Variants in MSH4 observed in about 807,000 individuals in gnomAD.
The protein encoded by MSH4 is mutS protein homolog 4.
MSH4 carries 106 observed loss-of-function variants against 113.7 expected under a neutral mutation model. The observed-to-expected ratio is 0.93, with a 90% confidence interval of 0.80 to 1.10. The LOEUF (loss-of-function observed/expected upper bound fraction) is 1.10, where lower values mean the gene tolerates loss of function less well. Among genes scored for constraint, MSH4 ranks in the 50% least tolerant of loss-of-function variants. The pLI, the probability that MSH4 is intolerant of heterozygous loss-of-function variation, is 0.00. For synonymous variants in MSH4, 368 were observed against 380.2 expected (o/e 0.97, Z 0.37); for missense variants, 1,061 against 1,093.7 (o/e 0.97, Z 0.42).
chr1:75,895,383 C>G (rs1652356737), intron 17 of MSH4, among the ~76,000 whole-genome samples: 1 of 152,152 alleles, frequency 6.6e-6, no homozygotes, highest in African/African-American at 2.4e-5. Flanking sequence ...ATGGCCAAGA[C>G]CTTTCAGGAA....
chr1:75,830,029 T>C (rs1216953076), intron 7 of MSH4, among the ~76,000 whole-genome samples: 1 of 151,994 alleles, frequency 6.6e-6, no homozygotes. Context: ...ACAAAGAAGC[T>C]AAAAACTTTG....
intron 17 of MSH4, among the ~76,000 whole-genome samples, chr1:75,894,990 C>G (rs1215301916): frequency 6.6e-6 from 1 of 152,090 alleles, no homozygotes; most frequent in African/African-American, 2.4e-5. Flanking sequence ...TGGCATCACT[C>G]ACCATTACCC....
In MSH4 at chr1:75,830,332, C is replaced by T. The variant is rs185568957; in HGVS notation, c.1162+7751C>T. On this transcript the variant is annotated intron_variant, in intron 7 of 19. Coordinates refer to ENST00000263187, the MANE Select transcript of MSH4 (RefSeq NM_002440.4). ...ATCTCATTGGTGTACCTAAAAGTGA[C>T]GGGGAGAATGGAACCAAGTTGGAAA... Among the ~76,000 whole-genome samples the T allele has an allele frequency of 7.0e-4, 106 of 152,162 alleles. 1 individual carries two copies. The highest frequency in any genetic ancestry group is 2.3e-3 in the African/African-American group (96 of 41,506).
At chr1:75,874,335 A>G (rs1651772160) in intron 9 of MSH4, among the ~76,000 whole-genome samples, 1 of 152,150 alleles carries the variant, frequency 6.6e-6, no homozygotes, top group Non-Finnish European at 1.5e-5. Context: ...ATAGATGTGG[A>G]AGTTTTTTTA....
In MSH4 at chr1:75,826,450, C is replaced by G. The variant is rs2100525408; in HGVS notation, c.1162+3869C>G. Among the ~76,000 whole-genome samples the G allele has an allele frequency of 1.3e-5, 2 of 152,228 alleles. 1 individual carries two copies. The highest frequency in any genetic ancestry group is 1.3e-4 in the Admixed American group (2 of 15,268). ...GGAGTTTTCGAAGGGTTTTTCATGT[C>G]TCTGTCTCCTTCAGTTCTGCTCTGA... On this transcript the variant is annotated intron_variant, in intron 7 of 19. Transcript: ENST00000263187.
Position 75,812,363 on chromosome 1 carries a change from C to T in MSH4, c.699+1556C>T, listed in dbSNP as rs570633451. 2.3e-4 allele frequency among the ~76,000 whole-genome samples: 35 copies of T among 152,156 alleles called. No individual in the cohort carries two copies. In the South Asian group the frequency reaches 7.1e-3, roughly 31 times the overall value. On this transcript the variant is annotated intron_variant, in intron 4 of 19. Transcript: ENST00000263187. The stretch of plus-strand genomic sequence containing the variant: ...CTAAGGGAATAAGGAGGAGTAAGCA[C>T]AAGCTCAGTAGAGTCAGGGAAGTGA...
At chr1:75,840,819 A>G (rs182418485) in intron 7 of MSH4, among the ~76,000 whole-genome samples, 3 of 152,296 alleles carry the variant, frequency 2.0e-5, no homozygotes, top group East Asian at 1.9e-4. Flanking sequence ...AGGACCTCAC[A>G]TCCATGTTCG....
intron 3 of MSH4, among the ~76,000 whole-genome samples, chr1:75,808,658 A>T (rs894174332): frequency 2.6e-5 from 4 of 152,164 alleles, no homozygotes. Flanking sequence ...GTCTTTCAGG[A>T]TTATGGCCCA....
intron 8 of MSH4, among the ~76,000 whole-genome samples, chr1:75,849,124 G>C (rs1557508522): frequency 6.6e-6 from 1 of 152,036 alleles, no homozygotes; most frequent in South Asian, 2.1e-4. Flanking sequence ...TAGAGATGGG[G>C]TTTCACCATG....
chr1:75,871,812 A>G (rs1452580848), intron 9 of MSH4, among the ~76,000 whole-genome samples: 1 of 152,226 alleles, frequency 6.6e-6, no homozygotes, highest in African/African-American at 2.4e-5. Flanking sequence ...ATTTATTTAT[A>G]TCAGTGAGAA....
chr1:75,820,078 C>T (rs1650376847), intron 6 of MSH4, among the ~76,000 whole-genome samples: 1 of 142,384 alleles, frequency 7.0e-6, no homozygotes. Context: ...TTGTCTTGTA[C>T]TTGTCATCAG....
intron 7 of MSH4, among the ~76,000 whole-genome samples, chr1:75,838,556 A>C (rs914039268): frequency 2.6e-5 from 4 of 152,070 alleles, no homozygotes; most frequent in African/African-American, 9.7e-5. Context: ...AAATCCTTCA[A>C]TCTTTTCTCT....
chr1:75,839,289 A>T (rs1486236905), intron 7 of MSH4, among the ~76,000 whole-genome samples: 1 of 152,000 alleles, frequency 6.6e-6, no homozygotes, highest in Non-Finnish European at 1.5e-5. Flanking sequence ...ATCTTGGCTC[A>T]CTGCAACCTC....
Position 75,796,952 on chromosome 1 carries a change from C to T in MSH4, c.-34C>T, listed in dbSNP as rs1649823228. 6.2e-7 allele frequency: 1 copy of T among 1,612,194 alleles called. No individual in the cohort carries two copies. The highest frequency in any genetic ancestry group is 8.5e-7 in the Non-Finnish European group (1 of 1,179,164). On this transcript the variant is annotated 5_prime_UTR_variant, in exon 1 of 20. Coordinates refer to ENST00000263187, the MANE Select transcript of MSH4 (RefSeq NM_002440.4). ...GCTACTGGAGGGGTCGCTCAGAAAC[C>T]TCATACTTCTCGGGTCAGGGAAGGT...
intron 1 of MSH4, among the ~76,000 whole-genome samples, chr1:75,799,861 T>G (rs945714967): frequency 3.9e-5 from 6 of 152,164 alleles, no homozygotes; most frequent in Admixed American, 2.0e-4. Context: ...GGGAAGATGA[T>G]GAGCTCTGTT....
intron 2 of MSH4, among the ~76,000 whole-genome samples, chr1:75,806,482 T>C (rs920396619): frequency 3.9e-5 from 6 of 151,928 alleles, no homozygotes; most frequent in Admixed American, 2.0e-4. Flanking sequence ...TTCCTGGCCT[T>C]GTGATCCGCC....
At chr1:75,912,614 T>G (rs1288146176) in intron 19 of MSH4, 82 bp from the exon 20 acceptor site, 2 of 891,292 alleles carry the variant, frequency 2.2e-6, no homozygotes, top group Admixed American at 8.0e-5. Context: ...TGGAAGGAGA[T>G]AGAATATTGC....
intron 13 of MSH4, among the ~76,000 whole-genome samples, chr1:75,880,994 T>A (rs1651919890): frequency 6.6e-6 from 1 of 151,944 alleles, no homozygotes; most frequent in Non-Finnish European, 1.5e-5. Flanking sequence ...ATAAAAGCAG[T>A]TATTTCAAAA....
intron 19 of MSH4, among the ~76,000 whole-genome samples, chr1:75,903,322 A>C (rs1251857099): frequency 6.6e-6 from 1 of 151,998 alleles, no homozygotes; most frequent in Non-Finnish European, 1.5e-5. Context: ...TATCTTGTTG[A>C]AAATGAGTTG....
Sources: allele counts gnomAD v4.1 joint callset (sites outside exome capture counted in the v4.1 genomes callset), GRCh38; gene constraint gnomAD v4.1.1; transcripts MANE v1.5; gene names NCBI Gene and HGNC (gene_info 2026-07-23, HGNC 2026-07-21).